The following CFLAR variants were observed in gnomAD, a reference collection of about 807,000 sequenced individuals.
CFLAR encodes CASP8 and FADD like apoptosis regulator.
A neutral mutation model predicts 51.1 loss-of-function variants in CFLAR; 14 were observed. The ratio of observed to expected loss-of-function variants is 0.27; its 90% CI spans 0.18 to 0.43. The LOEUF is 0.43. CFLAR is among the 20% of genes least tolerant of loss of function. The pLI is 1.00. For synonymous variants in CFLAR, 210 were observed against 211.6 expected, an observed-to-expected ratio of 0.99 and a Z score of 0.06; for missense variants, 390 against 566.5, an observed-to-expected ratio of 0.69 and a Z score of 3.16.
At position 201,140,952 on chromosome 2, in the gene CFLAR, C is replaced by T. The variant is rs371291959; in HGVS notation, c.606+513C>T. On this transcript the variant is annotated intron_variant, in intron 5 of 9. Transcript: ENST00000309955. ...GAGGTTTTAAAAGTATTTTTTTGCC[C>T]GGGTGCGGTGGCTCATGCGTGTAAT... Among the ~76,000 whole-genome samples, 56 of 151,896 alleles carry T rather than the reference C, an allele frequency of 3.7e-4. 1 individual carries two copies. In the East Asian group the frequency reaches 0.01, roughly 28 times the overall value.
chr2:201,141,343 T>C (rs757637682), intron 5 of CFLAR: 1 of 1,548,710 alleles, frequency 6.5e-7, no homozygotes, highest in Non-Finnish European at 8.7e-7. Flanking sequence ...TCTACACATA[T>C]ATTTCATTTT....
intron 7 of CFLAR, 113 bp downstream of exon 7, chr2:201,149,165 GTGT>G: frequency 1.4e-6 from 1 of 700,064 alleles, no homozygotes; most frequent in Non-Finnish European, 2.5e-6. Flanking sequence ...GACTCTGAGA[GTGT>G]TGTTCTCCTG....
chr2:201,147,460 T>C (rs1453791936), intron 6 of CFLAR, among the ~76,000 whole-genome samples: 11 of 143,198 alleles, frequency 7.7e-5, no homozygotes, highest in Middle Eastern at 3.9e-3. Context: ...ACCTGGGAGG[T>C]GGAGGTTGCA....
intron 4 of CFLAR, chr2:201,140,080 G>A: frequency 8.1e-6 from 1 of 122,870 alleles, no homozygotes; most frequent in South Asian, 7.1e-5. Flanking sequence ...CTGCGACGCG[G>A]AGGCGCGCCG....
intron 8 of CFLAR, among the ~76,000 whole-genome samples, chr2:201,156,352 A>C (rs1262217068): frequency 6.6e-6 from 1 of 152,224 alleles, no homozygotes; most frequent in Non-Finnish European, 1.5e-5. Context: ...GTTTGACCTC[A>C]GAACTCCCTT....
chr2:201,173,881 A>C lies in CFLAR; in HGVS notation c.*9908A>C, dbSNP rs1197395847. 6.6e-6 allele frequency: 1 copy of C among 152,138 alleles called. No homozygotes were observed. The highest frequency in any genetic ancestry group is 6.5e-5 in the Admixed American group (1 of 15,268). 9.4% of individuals were successfully genotyped at this position (152,138 alleles called of 1,614,324 possible). A position where few individuals can be genotyped will look rare whatever the true frequency, so the allele number is the denominator to read the frequency against. On this transcript the variant is annotated 3_prime_UTR_variant, in exon 10 of 10. Transcript: ENST00000309955. ...GAGACAGGGTTTCGCCATGTTGGCC[A>C]GGCTGGTCTTGAACTCCTGAACTCA...
intron 4 of CFLAR, chr2:201,137,590 C>T: frequency 1.3e-6 from 1 of 743,260 alleles, no homozygotes; most frequent in Non-Finnish European, 2.5e-6. Context: ...GTCTGCTTCT[C>T]AAACTTGAGC....
chr2:201,171,271 A>G lies in CFLAR; in HGVS notation c.*7298A>G, dbSNP rs928697868. On this transcript the variant is annotated 3_prime_UTR_variant, in exon 10 of 10. Coordinates refer to ENST00000309955, the MANE Select transcript of CFLAR (RefSeq NM_003879.7). ...CTTAATTACTTACGCATGTAACCAG[A>G]TACCACCTGTTCCCCAAACACCTAT... The G allele has an allele frequency of 6.6e-6, 1 of 152,078 alleles. No individual in the cohort carries two copies. The highest frequency in any genetic ancestry group is 6.6e-5 in the Admixed American group (1 of 15,258). 9.4% of individuals were successfully genotyped at this position (152,078 alleles called of 1,614,324 possible). A position where few individuals can be genotyped will look rare whatever the true frequency, so the allele number is the denominator to read the frequency against.
chr2:201,149,005 G>A lies in CFLAR; in HGVS notation c.664G>A (p.Glu222Lys), dbSNP rs375588489. Residue 222 changes from glutamate to lysine, a missense_variant and splice_region_variant, in exon 7 of 10, where the codon GAA becomes AAA. By Grantham distance (56) the Glu-to-Lys change is moderately conservative. This residue lies in a region of CFLAR where 287 missense variants were observed against 363.6 expected (regional missense o/e 0.79). Transcript: ENST00000309955. ...GGTTTCTCTCTCTCATCCCCCAGAA[G>A]AACCAGTGAAGAAATCCATTCAGGA... ...RLKEQLGAQQEPVKKSIQESE... is the reference protein window; with the variant it reads ...RLKEQLGAQQKPVKKSIQESE... 6.2e-6 allele frequency: 10 copies of A among 1,611,470 alleles called. No individual in the cohort carries two copies. Among genetic ancestry groups the A allele is most frequent in the Non-Finnish European group, 8.5e-6 (10 of 1,177,712 alleles).
intron 3 of CFLAR, among the ~76,000 whole-genome samples, chr2:201,134,347 A>G (rs1364147174): frequency 1.3e-5 from 2 of 151,414 alleles, no homozygotes; most frequent in East Asian, 3.9e-4. Context: ...GGCCTAGCAC[A>G]ATGGCTCATG....
In CFLAR at chr2:201,116,426, C is replaced by T. The variant is rs568433479; in HGVS notation, c.-193C>T. The stretch of plus-strand genomic sequence containing the variant: ...CATCTTGGGTGCGCCTTCCCGGCGT[C>T]TAGGGGAGCGAAGGCTGAGGTGGCA... On this transcript the variant is annotated 5_prime_UTR_variant, in exon 1 of 10. Transcript: ENST00000309955. The surrounding 1 kb of genome is among the most constrained non-coding windows in gnomAD (Gnocchi z 4.8). 1.1e-4 allele frequency: 17 copies of T among 152,454 alleles called. No individual in the cohort carries two copies. Among genetic ancestry groups the T allele is most frequent in the African/African-American group, 4.1e-4 (17 of 41,588 alleles). 9.4% of individuals were successfully genotyped at this position (152,454 alleles called of 1,614,324 possible).
At position 201,149,040 on chromosome 2, in the gene CFLAR, T is replaced by C; in HGVS notation, c.699T>C (p.Ala233=). ...AGAAATCCATTCAGGAATCAGAAGC[T>C]TTTTTGCCTCAGGTACAGAATAAAT... ...PVKKSIQESE[A]FLPQSIPEER... The change falls in exon 7 of 10, where the codon GCT becomes GCC. Residue 233 remains alanine (A), a synonymous_variant. Coordinates refer to ENST00000309955, the MANE Select transcript of CFLAR (RefSeq NM_003879.7). 6.2e-7 allele frequency: 1 copy of C among 1,609,584 alleles called. No individual in the cohort carries two copies. The highest frequency in any genetic ancestry group is 8.5e-7 in the Non-Finnish European group (1 of 1,175,962).
At chr2:201,150,604 C>G (rs1249194349) in intron 8 of CFLAR, 1 of 152,134 alleles carries the variant, frequency 6.6e-6, no homozygotes, top group African/African-American at 2.4e-5. Flanking sequence ...GTTCATGTGG[C>G]TATTCAGTGG....
chr2:201,145,758 T>A (rs1940010145), intron 6 of CFLAR: 1 of 212,890 alleles, frequency 4.7e-6, no homozygotes, highest in South Asian at 1.0e-4. Context: ...TGAACCATGT[T>A]AAACCAAATA....
intron 9 of CFLAR, among the ~76,000 whole-genome samples, chr2:201,161,747 T>C (rs77534418): frequency 0.39 from 52,737 of 135,502 alleles, 9,903 homozygotes; most frequent in Non-Finnish European, 0.46. Flanking sequence ...TCTTTTTTTT[T>C]TTTTTTTTTT....
chr2:201,137,999 G>T, intron 4 of CFLAR: 1 of 738,978 alleles, frequency 1.4e-6, no homozygotes. Context: ...CAAAGTTCTG[G>T]GTATGCTTGG....
intron 1 of CFLAR, among the ~76,000 whole-genome samples, chr2:201,128,852 G>A (rs1412484099): frequency 6.6e-6 from 1 of 152,186 alleles, no homozygotes; most frequent in African/African-American, 2.4e-5. Flanking sequence ...AAAGAAAATA[G>A]GATGAGTTTC....
In CFLAR at chr2:201,172,872, T is replaced by G. The variant is rs1179600314; in HGVS notation, c.*8899T>G. 1 of 152,250 alleles carries G rather than the reference T, an allele frequency of 6.6e-6. No homozygotes were observed. Among genetic ancestry groups the G allele is most frequent in the Non-Finnish European group, 1.5e-5 (1 of 68,040 alleles). The allele number at this position is 152,250 out of a possible 1,614,324, so 9.4% of individuals were successfully genotyped here. A position where few individuals can be genotyped will look rare whatever the true frequency, so the allele number is the denominator to read the frequency against. On this transcript the variant is annotated 3_prime_UTR_variant, in exon 10 of 10. Coordinates refer to ENST00000309955, the MANE Select transcript of CFLAR (RefSeq NM_003879.7). The stretch of plus-strand genomic sequence containing the variant: ...TGCTATGAATATTCGTATATGAATT[T>G]TTATATGGATATATGTTTTCAGTTC...
In CFLAR at chr2:201,138,110, A is replaced by G. The variant is rs1299131280; in HGVS notation, c.523+2003A>G. 3 of 761,048 alleles carry G rather than the reference A, an allele frequency of 3.9e-6. No individual in the cohort carries two copies. In the Admixed American group the frequency reaches 5.2e-5, roughly 13 times the overall value. 47.1% of individuals were successfully genotyped at this position (761,048 alleles called of 1,614,324 possible). ...GTCCATGCCCCTGCCCAGCCCATCC[A>G]CACCAGCGTCAATCAGGTTGTTGGC... On this transcript the variant is annotated intron_variant, in intron 4 of 9. Coordinates refer to ENST00000309955, the MANE Select transcript of CFLAR (RefSeq NM_003879.7). This position sits in a 1 kb window ranked among gnomAD's most constrained non-coding sequence, Gnocchi z 4.0.
Sources: gnomAD v4.1 joint callset for allele counts (sites outside exome capture counted in the v4.1 genomes callset) on GRCh38, gnomAD v4.1.1 for gene constraint, gnomAD v4.1.1 regional missense constraint, Gnocchi (gnomAD v3.1) non-coding constraint, MANE v1.5 for transcripts, NCBI Gene and HGNC (gene_info 2026-07-23, HGNC 2026-07-21) for gene names.